The following POT1 variants were observed in gnomAD, a reference collection of about 807,000 sequenced individuals.
POT1 encodes protection of telomeres protein 1.
A neutral mutation model predicts 78.5 loss-of-function variants in POT1; 47 were observed. That is an observed-to-expected ratio of 0.60 (90% confidence interval 0.47 to 0.76). The LOEUF is 0.76. Ranked by LOEUF, POT1 falls within the 30% of genes least tolerant of loss-of-function variation. The pLI, the probability that POT1 is intolerant of heterozygous loss-of-function variation, is 0.00. For missense variants in POT1, 646 were observed against 749.9 expected, an observed-to-expected ratio of 0.86 and a Z score of 1.62; for synonymous variants, 259 against 260.7, an observed-to-expected ratio of 0.99 and a Z score of 0.06.
At chr7:124,839,907 A>G (rs1397144256) in intron 14 of POT1, among the ~76,000 whole-genome samples, 4 of 151,962 alleles carry the variant, frequency 2.6e-5, no homozygotes, top group African/African-American at 9.7e-5. Context: ...CACACTTTAC[A>G]TTACTAACAA....
chr7:124,870,585 T>TA (rs1456640914), intron 7 of POT1, among the ~76,000 whole-genome samples: 4 of 152,106 alleles, frequency 2.6e-5, no homozygotes, highest in African/African-American at 9.7e-5. Context: ...TTTAAAACAT[T>TA]AAAAAATAAA....
In POT1 at chr7:124,829,127, C is replaced by T. The variant is rs1473731407; in HGVS notation, c.1594+127G>A. 3 of 786,398 alleles carry T rather than the reference C, an allele frequency of 3.8e-6. No individual in the cohort carries two copies. The African/African-American group carries it at 5.1e-5, about 13-fold the overall frequency. 48.7% of individuals were successfully genotyped at this position (786,398 alleles called of 1,614,324 possible). On this transcript the variant is annotated intron_variant, in intron 16 of 18. Coordinates refer to ENST00000357628, the MANE Select transcript of POT1 (RefSeq NM_015450.3). The stretch of plus-strand genomic sequence containing the variant: ...CTTTAAATTTACAAAGTCTGTTTAT[C>T]TTACAGAGGAAGGAATAAGTATACA...
Position 124,863,553 on chromosome 7 carries a change from T to C in POT1, c.343A>G (p.Ile115Val), listed in dbSNP as rs755644182. The C allele has an allele frequency of 1.2e-6, 2 of 1,613,914 alleles. No homozygotes were observed. The highest frequency in any genetic ancestry group is 8.5e-7 in the Non-Finnish European group (1 of 1,179,864). Residue 115 changes from isoleucine to valine, a missense_variant, in exon 8 of 19, where the codon ATA becomes GTA. Physicochemically the swap from Ile to Val is conservative, Grantham distance 29 (BLOSUM62 3). This residue lies in a region of POT1 where 252 missense variants were observed against 341.4 expected (regional missense o/e 0.74). Transcript: ENST00000357628. The stretch of plus-strand genomic sequence containing the variant: ...AAATACTTGCTTGAAGTGCGAGGTA[T>C]GATAGGGGCTCCCAAAGTTCCCTCA... ...TFEGTLGAPI[I>V]PRTSSKYFNF...
rs191879396 is a variant in POT1 at position 124,850,199 on chromosome 7, C to T, written c.949+1673G>A. On this transcript the variant is annotated intron_variant, in intron 11 of 18. Coordinates refer to ENST00000357628, the MANE Select transcript of POT1 (RefSeq NM_015450.3). The stretch of plus-strand genomic sequence containing the variant: ...CATACACCAGGCCAAAACGTTATCA[C>T]GAAGTTGTTAGCATTTTAAAATAAG... Among the ~76,000 whole-genome samples the T allele has an allele frequency of 5.5e-4, 84 of 152,168 alleles. 1 individual carries two copies. Among genetic ancestry groups the T allele is most frequent in the Admixed American group, 3.3e-3 (50 of 15,290 alleles).
At chr7:124,912,020 G>A (rs1796899983) in intron 3 of POT1, among the ~76,000 whole-genome samples, 1 of 152,080 alleles carries the variant, frequency 6.6e-6, no homozygotes, top group South Asian at 2.1e-4. Flanking sequence ...ATTAACTGAA[G>A]AAAAGCAGAG....
intron 8 of POT1, among the ~76,000 whole-genome samples, chr7:124,863,039 A>G (rs1795635283): frequency 6.6e-6 from 1 of 152,138 alleles, no homozygotes; most frequent in Non-Finnish European, 1.5e-5. Flanking sequence ...CATGTATAGG[A>G]CTACAAACTA....
At chr7:124,843,464 G>T (rs1042088764) in intron 12 of POT1, among the ~76,000 whole-genome samples, 1 of 152,140 alleles carries the variant, frequency 6.6e-6, no homozygotes, top group Admixed American at 6.5e-5. Flanking sequence ...ACTGTCACAG[G>T]AGTGGTGTAG....
At chr7:124,824,508 C>T (rs1306358354) in intron 18 of POT1, among the ~76,000 whole-genome samples, 1 of 151,956 alleles carries the variant, frequency 6.6e-6, no homozygotes, top group East Asian at 1.9e-4. Flanking sequence ...GGTTAGAGAT[C>T]AACACAAATT....
chr7:124,852,516 G>T (rs1795335067), intron 10 of POT1, among the ~76,000 whole-genome samples: 1 of 152,050 alleles, frequency 6.6e-6, no homozygotes, highest in East Asian at 1.9e-4. Flanking sequence ...TTACTTTCTG[G>T]CACATGTAAA....
At chr7:124,875,963 T>G (rs1017355028) in intron 6 of POT1, among the ~76,000 whole-genome samples, 3 of 152,108 alleles carry the variant, frequency 2.0e-5, no homozygotes, top group Non-Finnish European at 4.4e-5. Flanking sequence ...AATGTATAAA[T>G]AAAGGTAGTG....
At chr7:124,906,798 A>C (rs752798181) in intron 3 of POT1, among the ~76,000 whole-genome samples, 14 of 152,164 alleles carry the variant, frequency 9.2e-5, no homozygotes, top group Non-Finnish European at 1.5e-4. Flanking sequence ...AAGAGAAAAA[A>C]TAAATGGCTC....
At chr7:124,843,470 T>C (rs185594568) in intron 12 of POT1, among the ~76,000 whole-genome samples, 2 of 151,858 alleles carry the variant, frequency 1.3e-5, no homozygotes, top group East Asian at 3.9e-4. Flanking sequence ...ACAGGAGTGG[T>C]GTAGTAGTGG....
intron 3 of POT1, among the ~76,000 whole-genome samples, chr7:124,914,852 G>A (rs1368534039): frequency 3.3e-5 from 5 of 152,084 alleles, no homozygotes; most frequent in Non-Finnish European, 5.9e-5. Flanking sequence ...CTAATCTCAT[G>A]CATATACAGA....
intron 2 of POT1, among the ~76,000 whole-genome samples, chr7:124,923,330 A>G (rs1314289468): frequency 1.3e-5 from 2 of 151,916 alleles, no homozygotes; most frequent in African/African-American, 4.8e-5. Context: ...TCTTTAAAAA[A>G]AGAAAAGAAA....
chr7:124,915,734 T>C (rs1797000310), intron 2 of POT1, 88 bp from the exon 3 acceptor site: 1 of 152,122 alleles, frequency 6.6e-6, no homozygotes, highest in Non-Finnish European at 1.5e-5. Flanking sequence ...GAATTTTCTA[T>C]AGCAACAGTT....
chr7:124,895,133 A>G (rs983798058), intron 5 of POT1, among the ~76,000 whole-genome samples: 4 of 151,660 alleles, frequency 2.6e-5, no homozygotes, highest in Non-Finnish European at 4.4e-5. Context: ...AAAATATTCT[A>G]TATCAATATT....
chr7:124,918,532 A>G (rs1257772084), intron 2 of POT1, among the ~76,000 whole-genome samples: 1 of 152,182 alleles, frequency 6.6e-6, no homozygotes, highest in African/African-American at 2.4e-5. Flanking sequence ...ATCATGCTAT[A>G]CATTATGTCA....
chr7:124,916,111 A>C (rs1797008621), intron 2 of POT1, among the ~76,000 whole-genome samples: 1 of 152,160 alleles, frequency 6.6e-6, no homozygotes, highest in Non-Finnish European at 1.5e-5. Context: ...TCTGTAACTA[A>C]CCAGCTCTGT....
chr7:124,850,740 A>C (rs939549975), intron 11 of POT1, among the ~76,000 whole-genome samples: 1 of 152,020 alleles, frequency 6.6e-6, no homozygotes, highest in African/African-American at 2.4e-5. Context: ...TCAAAAAAAA[A>C]CAAAACAAAC....
Sources: allele counts gnomAD v4.1 joint callset (sites outside exome capture counted in the v4.1 genomes callset), GRCh38; gene constraint gnomAD v4.1.1; regional missense constraint gnomAD v4.1.1; transcripts MANE v1.5; gene names NCBI Gene and HGNC (gene_info 2026-07-23, HGNC 2026-07-21).